Variants in CD8A observed in about 807,000 individuals in gnomAD.
The protein encoded by CD8A is T-cell surface glycoprotein CD8 alpha chain.
CD8A carries 25 observed loss-of-function variants against 24.2 expected under a neutral mutation model. The ratio of observed to expected loss-of-function variants is 1.03; its 90% CI spans 0.75 to 1.44. The LOEUF (loss-of-function observed/expected upper bound fraction) is 1.44, where lower values mean the gene tolerates loss of function less well. Among genes scored for constraint, CD8A ranks in the 40% most tolerant of loss-of-function variants. The pLI, the probability that CD8A is intolerant of heterozygous loss-of-function variation, is 0.00. For missense variants in CD8A, 360 were observed against 319.7 expected (o/e 1.13, Z -0.96); for synonymous variants, 165 against 149.9 (o/e 1.10, Z -0.74).
chr2:86,791,800 C>G (rs36226879), upstream of CD8A: 2,866 of 384,906 alleles, frequency 7.4e-3, 81 homozygotes, highest in African/African-American at 0.055. Flanking sequence ...AGTCATTCAA[C>G]CCCTGCGCTC....
At chr2:86,798,182 T>C (rs1673542751) in intron 3 of CD8A, among the ~76,000 whole-genome samples, 2 of 152,034 alleles carry the variant, frequency 1.3e-5, no homozygotes, top group East Asian at 1.9e-4. Flanking sequence ...TTCTTTCTTT[T>C]TTTTTTTTTT....
At chr2:86,803,088 G>C (rs990555682) in intron 2 of CD8A, among the ~76,000 whole-genome samples, 4 of 152,042 alleles carry the variant, frequency 2.6e-5, no homozygotes, top group African/African-American at 9.7e-5. Context: ...CATTTACTTT[G>C]GAAATTATGT....
upstream of CD8A, among the ~76,000 whole-genome samples, chr2:86,793,002 T>G (rs1024144228): frequency 7.9e-5 from 12 of 152,200 alleles, no homozygotes; most frequent in African/African-American, 2.9e-4. Flanking sequence ...CTCTCCTCAC[T>G]GTCACCTGCT....
At position 86,790,401 on chromosome 2, in the gene CD8A, C is replaced by T; in HGVS notation, c.330G>A (p.Glu110=). The change falls in exon 2 of 6, where the codon GAG becomes GAA. Residue 110 remains glutamate (E), a synonymous_variant. Coordinates refer to ENST00000283635, the MANE Select transcript of CD8A (RefSeq NM_001768.7). ...TCAGGGCCGAGCAGAAATAGTAGCC[C>T]TCGTTCTCTCGGCGGAAGTCGCTCA... ...LTLSDFRREN[E]GYYFCSALSN... 2 of 1,614,150 alleles carry T rather than the reference C, an allele frequency of 1.2e-6. No homozygotes were observed. Among genetic ancestry groups the T allele is most frequent in the Non-Finnish European group, 1.7e-6 (2 of 1,180,028 alleles).
At chr2:86,802,194 T>A (rs1271641705) in intron 2 of CD8A, among the ~76,000 whole-genome samples, 1 of 152,058 alleles carries the variant, frequency 6.6e-6, no homozygotes, top group Non-Finnish European at 1.5e-5. Context: ...CCCGCCATCA[T>A]GTCTGGCTAA....
chr2:86,786,091 G>A, intron 5 of CD8A, 120 bp from the exon 6 acceptor site: 1 of 815,022 alleles, frequency 1.2e-6, no homozygotes, highest in South Asian at 1.3e-5. Context: ...TGTTCCTGGG[G>A]CACCAGCATG....
chr2:86,798,863 C>T lies in CD8A; in HGVS notation c.-271+2648G>A, dbSNP rs574304711. On this transcript the variant is annotated intron_variant, in intron 3 of 8. Transcript: ENST00000409511. ...TTCTATCCATTTACTTTCAACTTCC[C>T]CTTCTCTGTTTTGAAATGTTTACTA... Among the ~76,000 whole-genome samples the T allele has an allele frequency of 8.5e-5, 13 of 152,176 alleles. No individual in the cohort carries two copies. The East Asian group carries it at 1.7e-3, about 20-fold the overall frequency.
At chr2:86,799,345 C>G (rs936950519) in intron 3 of CD8A, among the ~76,000 whole-genome samples, 1 of 152,148 alleles carries the variant, frequency 6.6e-6, no homozygotes, top group Non-Finnish European at 1.5e-5. Context: ...GAGGTGGGCA[C>G]GTAATCCTCT....
chr2:86,795,694 A>G (rs750899241), upstream of CD8A, among the ~76,000 whole-genome samples: 8 of 152,122 alleles, frequency 5.3e-5, no homozygotes, highest in Non-Finnish European at 8.8e-5. Flanking sequence ...GGAAGGCTGG[A>G]GCCAGGCTCT....
At chr2:86,807,975 G>C (rs989787159) in intron 1 of CD8A, 2 of 152,404 alleles carry the variant, frequency 1.3e-5, no homozygotes, top group Non-Finnish European at 2.9e-5. Flanking sequence ...GGTGGGGCCG[G>C]GTCCCAGCTA....
At chr2:86,793,906 TG>T (rs1346812820), upstream of CD8A, among the ~76,000 whole-genome samples, 1 of 152,114 alleles carries the variant, frequency 6.6e-6, no homozygotes. Flanking sequence ...CCATGGGGGT[TG>T]GGGTGGGGAG....
upstream of CD8A, among the ~76,000 whole-genome samples, chr2:86,792,973 A>G (rs1264198782): frequency 6.6e-6 from 1 of 152,202 alleles, no homozygotes; most frequent in African/African-American, 2.4e-5. Context: ...GAAAACAAAC[A>G]CAAAGTTCCC....
At chr2:86,791,112 G>A (rs779805078), upstream of CD8A, 1 of 683,310 alleles carries the variant, frequency 1.5e-6, no homozygotes, top group Non-Finnish European at 2.7e-6. Flanking sequence ...GTTTGGGGAT[G>A]AGGAAAAGGG....
intron 3 of CD8A, among the ~76,000 whole-genome samples, chr2:86,797,691 A>T (rs1047034771): frequency 1.7e-4 from 22 of 131,696 alleles, no homozygotes; most frequent in African/African-American, 6.5e-4. Context: ...TCACTTTTTT[A>T]AAAAAAAGTT....
chr2:86,799,564 G>A (rs900873269), intron 3 of CD8A, among the ~76,000 whole-genome samples: 4 of 151,910 alleles, frequency 2.6e-5, no homozygotes, highest in Admixed American at 6.6e-5. Context: ...AGACCATCCT[G>A]GCTAACACGG....
In CD8A at chr2:86,785,660, T is replaced by C; in HGVS notation, c.*260A>G. The C allele has an allele frequency of 1.5e-6, 1 of 666,596 alleles. No individual in the cohort carries two copies. Among genetic ancestry groups the C allele is most frequent in the Non-Finnish European group, 2.8e-6 (1 of 362,772 alleles). 41.3% of individuals were successfully genotyped at this position (666,596 alleles called of 1,614,324 possible). On this transcript the variant is annotated 3_prime_UTR_variant, in exon 6 of 6. Coordinates refer to ENST00000283635, the MANE Select transcript of CD8A (RefSeq NM_001768.7). ...ATTCTGAGAACTCTGCGGGTAGCTC[T>C]GGCCTGCCCCTTTCCACGCCCTACC... is the stretch of plus-strand genomic sequence containing the variant.
chr2:86,792,656 A>G (rs7596329), upstream of CD8A, among the ~76,000 whole-genome samples: 51,674 of 151,640 alleles, frequency 0.34, 10,459 homozygotes, highest in African/African-American at 0.57. Flanking sequence ...CACCATGCCC[A>G]GCTAATTTTT....
Position 86,790,851 on chromosome 2 carries a change from G to A in CD8A, c.-26C>T. 6.5e-7 allele frequency: 1 copy of A among 1,537,386 alleles called. No individual in the cohort carries two copies. On this transcript the variant is annotated 5_prime_UTR_variant, in exon 1 of 6. Coordinates refer to ENST00000283635, the MANE Select transcript of CD8A (RefSeq NM_001768.7). ...GACGCGCTCCCCAGGACGCTGCTTG[G>A]CTCGAAGCTCGGGCGCGAGGGGAGG...
Position 86,789,406 on chromosome 2 carries a change from C to A in CD8A, c.542G>T (p.Cys181Phe). The A allele has an allele frequency of 6.2e-7, 1 of 1,613,982 alleles. No homozygotes were observed. The highest frequency in any genetic ancestry group is 2.2e-5 in the East Asian group (1 of 44,868). ...CAAGGGCGCCCAGATGTAGATATCA[C>A]AGGCGAAGTCCAGCCCCCTCGTGTG... ...AVHTRGLDFA[C>F]DIYIWAPLAG... The change falls in exon 4 of 6, where the codon TGT becomes TTT. Residue 181 changes from cysteine to phenylalanine, a missense_variant. Transcript: ENST00000283635.
Sources: allele counts gnomAD v4.1 joint callset (sites outside exome capture counted in the v4.1 genomes callset), GRCh38; gene constraint gnomAD v4.1.1; transcripts MANE v1.5; gene names NCBI Gene and HGNC (gene_info 2026-07-23, HGNC 2026-07-21).